The following ADGRG2 variants were observed in gnomAD, a reference collection of about 807,000 sequenced individuals.
The protein encoded by ADGRG2 is G protein-coupled receptor 64.
In ADGRG2, 26 loss-of-function variants were observed where a neutral mutation model predicts 74.1. That is an observed-to-expected ratio of 0.35 (90% CI 0.26 to 0.49). The LOEUF (loss-of-function observed/expected upper bound fraction) is 0.49. Among genes scored for constraint, ADGRG2 ranks in the 20% least tolerant of loss-of-function variants. The pLI is 0.99. For synonymous variants in ADGRG2, 296 were observed against 295.2 expected (o/e 1.00, Z -0.03); for missense variants, 619 against 763.1 (o/e 0.81, Z 2.22).
At chrX:19,027,967 T>C (rs984681822) in intron 10 of ADGRG2, among the ~76,000 whole-genome samples, 2 of 112,690 alleles carry the variant, frequency 1.8e-5, no homozygotes, top group African/African-American at 6.4e-5. Context: ...AGCAAGCCTA[T>C]TGAAAACTAA....
chrX:19,049,438 G>GTTTTTTTT (rs752686975), intron 3 of ADGRG2, among the ~76,000 whole-genome samples: 65 of 82,110 alleles, frequency 7.9e-4, no homozygotes, highest in African/African-American at 2.9e-3. Context: ...CGTTTTTTGT[G>GTTTTTTTT]TTTTTTTTTT....
chrX:19,009,806 ATTAT>A (rs754423142), intron 17 of ADGRG2, 24 bp from the exon 18 acceptor site: 314 of 1,116,210 alleles, frequency 2.8e-4, no homozygotes, highest in Non-Finnish European at 3.2e-4. Context: ...TTGGCAGTTT[ATTAT>A]TTATTTATTT....
chrX:19,015,061 G>A (rs1261492180), intron 15 of ADGRG2, among the ~76,000 whole-genome samples: 1 of 111,927 alleles, frequency 8.9e-6, no homozygotes, highest in Non-Finnish European at 1.9e-5. Flanking sequence ...GGGCATCAAA[G>A]GTGGAGAAGT....
At chrX:19,047,354 C>A (rs953208610) in intron 3 of ADGRG2, among the ~76,000 whole-genome samples, 5 of 111,533 alleles carry the variant, frequency 4.5e-5, no homozygotes, top group African/African-American at 1.6e-4. Context: ...GGGATCACCT[C>A]CCAAATAAAC....
rs1358398935 is a variant in ADGRG2, at chrX:19,035,949, G to A, written c.255C>T (p.Asn85=). ...GAAATCACTTGATATTACCTGTTTC[G>A]TTTGAAGGGAGTAAGCTTAAAGTAA... ...NDVTLSLLPS[N]ETEKTKITIV... The change falls in exon 7 of 29, where the codon AAC becomes AAT. Residue 85 remains asparagine, a synonymous_variant. Coordinates refer to ENST00000379869, the MANE Select transcript of ADGRG2 (RefSeq NM_001079858.3). The A allele has an allele frequency of 3.0e-6, 3 of 986,804 alleles. No individual in the cohort carries two copies. Among genetic ancestry groups the A allele is most frequent in the South Asian group, 4.1e-5 (2 of 48,278 alleles). The allele number at this position is 986,804 out of a possible 1,213,427, so 81.3% of individuals were successfully genotyped here. A position where few individuals can be genotyped will look rare whatever the true frequency, so the allele number is the denominator to read the frequency against.
chrX:19,049,510 A>G (rs761593084), intron 3 of ADGRG2, among the ~76,000 whole-genome samples: 33 of 102,218 alleles, frequency 3.2e-4, no homozygotes, highest in Non-Finnish European at 6.4e-4. Context: ...TGGGGATGAT[A>G]GCGCCTCCAC....
At chrX:19,070,551 G>C (rs2061637842) in intron 2 of ADGRG2, among the ~76,000 whole-genome samples, 1 of 111,989 alleles carries the variant, frequency 8.9e-6, no homozygotes, top group Admixed American at 9.4e-5. Flanking sequence ...GTGGGGTGCT[G>C]AGAAAGGAAT....
chrX:18,998,405 A>G (rs767781545), intron 26 of ADGRG2, among the ~76,000 whole-genome samples: 2 of 111,038 alleles, frequency 1.8e-5, no homozygotes, highest in Non-Finnish European at 3.8e-5. Context: ...TCCCCTCAAT[A>G]TGGTCTCTCC....
intron 2 of ADGRG2, among the ~76,000 whole-genome samples, chrX:19,076,576 C>T (rs1356918564): frequency 1.8e-5 from 2 of 111,862 alleles, no homozygotes; most frequent in African/African-American, 6.5e-5. Context: ...CAAGACCAGC[C>T]TGGCCAACAT....
chrX:19,068,498 G>C lies in ADGRG2; in HGVS notation c.118+219C>G, dbSNP rs187708961. Reference sequence around the variant, plus strand: ...GGAGTTATTGTTTAATGGATATAGAGTTTCTATTTGGGATGATGAAAACGT... The same window carrying C: ...GGAGTTATTGTTTAATGGATATAGACTTTCTATTTGGGATGATGAAAACGT... On this transcript the variant is annotated intron_variant, in intron 3 of 28. Transcript: ENST00000379869. Among the ~76,000 whole-genome samples the C allele has an allele frequency of 6.3e-3, 703 of 111,557 alleles. 5 individuals carry two copies. Among genetic ancestry groups the C allele is most frequent in the African/African-American group, 0.022 (679 of 30,751 alleles).
chrX:19,005,919 A>G, intron 22 of ADGRG2, 83 bp downstream of exon 22: 1 of 578,699 alleles, frequency 1.7e-6, no homozygotes, highest in South Asian at 2.4e-5. Context: ...ACGGTTATCC[A>G]TCCATCAGAT....
At chrX:19,075,542 TG>T (rs1414871741) in intron 2 of ADGRG2, among the ~76,000 whole-genome samples, 2 of 99,281 alleles carry the variant, frequency 2.0e-5, no homozygotes, top group Admixed American at 1.2e-4. Context: ...CGCTTGAACC[TG>T]GGAGGCAGAG....
intron 11 of ADGRG2, among the ~76,000 whole-genome samples, chrX:19,025,598 T>TA (rs370376540): frequency 2.8e-5 from 3 of 106,771 alleles, no homozygotes; most frequent in Admixed American, 1.0e-4. Flanking sequence ...ATTTGTGAGT[T>TA]AAAAAAAAAA....
chrX:19,064,167 G>A (rs889687383), intron 3 of ADGRG2, among the ~76,000 whole-genome samples: 2 of 111,846 alleles, frequency 1.8e-5, no homozygotes, highest in South Asian at 3.8e-4. Flanking sequence ...CATGAAAGCC[G>A]TAAGCATCCA....
intron 3 of ADGRG2, among the ~76,000 whole-genome samples, chrX:19,051,023 G>A (rs761076399): frequency 1.4e-4 from 16 of 111,869 alleles, no homozygotes; most frequent in African/African-American, 4.9e-4. Context: ...GTGGTGATAC[G>A]ATTAAAACTC....
intron 6 of ADGRG2, 126 bp from the exon 7 acceptor site, chrX:19,036,103 C>T: frequency 2.6e-6 from 1 of 388,523 alleles, no homozygotes. Flanking sequence ...CAAAAGCCAA[C>T]TGACACTACT....
intron 15 of ADGRG2, 32 bp downstream of exon 15, chrX:19,019,567 T>A (rs1257202002): frequency 7.8e-6 from 6 of 764,730 alleles, no homozygotes; most frequent in Non-Finnish European, 1.2e-5. Context: ...TTTTTTTTTT[T>A]AAGGAGAAGG....
intron 1 of ADGRG2, among the ~76,000 whole-genome samples, chrX:19,115,126 C>T (rs781218304): frequency 3.6e-5 from 4 of 111,728 alleles, no homozygotes; most frequent in South Asian, 7.5e-4. Flanking sequence ...AAATACTCCA[C>T]GCTTAACCTA....
At position 19,116,831 on chromosome X, in the gene ADGRG2, A is replaced by G. The variant is rs143910523; in HGVS notation, c.-47+5611T>C. The stretch of plus-strand genomic sequence containing the variant: ...TTTCAAACTGTGGGTCAAAAAATCA[A>G]ATGAAAGGGTAGTCAAATCAATTTG... On this transcript the variant is annotated intron_variant, in intron 1 of 28. Coordinates refer to ENST00000379869, the MANE Select transcript of ADGRG2 (RefSeq NM_001079858.3). Among the ~76,000 whole-genome samples, 564 of 112,288 alleles carry G rather than the reference A, an allele frequency of 5.0e-3. 4 individuals carry two copies. The highest frequency in any genetic ancestry group is 0.017 in the African/African-American group (530 of 30,924).
Sources: gnomAD v4.1 joint callset for allele counts (sites outside exome capture counted in the v4.1 genomes callset) on GRCh38, gnomAD v4.1.1 for gene constraint, MANE v1.5 for transcripts, NCBI Gene and HGNC (gene_info 2026-07-23, HGNC 2026-07-21) for gene names.